MAD2L2: variants seen among roughly 807,000 people sequenced by gnomAD.
MAD2L2 encodes mitotic spindle assembly checkpoint protein MAD2B.
Under a neutral mutation model 30.5 loss-of-function variants are expected in MAD2L2, and 17 were observed. The ratio of observed to expected loss-of-function variants is 0.56; its 90% CI spans 0.38 to 0.84. MAD2L2 has a LOEUF of 0.84. MAD2L2 is among the 40% of genes least tolerant of loss of function. The pLI is 0.00. For synonymous variants in MAD2L2, 101 were observed against 113.9 expected (o/e 0.89, Z 0.72); for missense variants, 213 against 277.4 (o/e 0.77, Z 1.65).
At chr1:11,677,364 T>C in intron 4 of MAD2L2, 179 bp downstream of exon 4, 1 of 656,646 alleles carries the variant, frequency 1.5e-6, no homozygotes, top group African/African-American at 1.8e-5. Flanking sequence ...CCCGCATGCC[T>C]TGGGGCCTGC....
rs371290479 is a variant in MAD2L2 at position 11,680,374 on chromosome 1, C to T, written c.138G>A (p.Lys46=). ...TCACCTGGACCGGCACGTTGTACTT[C>T]TTGCGTTTCTGGAAGATGCCCACGG... ...VYPVGIFQKR[K]KYNVPVQMSC... is the part of the protein sequence containing the mutation. Residue 46 remains lysine, a synonymous_variant, in exon 3 of 9, where the codon AAG becomes AAA. Coordinates refer to ENST00000376692, the MANE Select transcript of MAD2L2 (RefSeq NM_006341.4). 200 of 1,613,804 alleles carry T rather than the reference C, an allele frequency of 1.2e-4. No homozygotes were observed. Among genetic ancestry groups the T allele is most frequent in the Non-Finnish European group, 2.7e-5 (32 of 1,179,904 alleles).
chr1:11,675,667 C>T lies in MAD2L2; in HGVS notation c.492G>A (p.Gln164=). ...ACCCATCTCATCTCACCTTGATGACCTGGATCTTCTCCATGTTGCGAGTGG... is the reference window on the plus strand; with the variant it reads ...ACCCATCTCATCTCACCTTGATGACTTGGATCTTCTCCATGTTGCGAGTGG... The part of the protein sequence containing the change: ...EAATRNMEKI[Q]VIKDFPWILA... The change falls in exon 7 of 9, where the codon CAG becomes CAA. Residue 164 remains glutamine (Q), a synonymous_variant. Coordinates refer to ENST00000376692, the MANE Select transcript of MAD2L2 (RefSeq NM_006341.4). The T allele has an allele frequency of 6.2e-7, 1 of 1,614,096 alleles. No individual in the cohort carries two copies. Among genetic ancestry groups the T allele is most frequent in the Non-Finnish European group, 8.5e-7 (1 of 1,179,962 alleles).
chr1:11,680,780 T>C (rs893730205), intron 1 of MAD2L2, 167 bp from the exon 2 acceptor site: 4 of 1,350,578 alleles, frequency 3.0e-6, no homozygotes, highest in African/African-American at 1.5e-5. Context: ...CACGCTGGCG[T>C]CCGTGCTTGG....
intron 4 of MAD2L2, chr1:11,677,256 G>A (rs1640785783): frequency 3.4e-6 from 2 of 596,388 alleles, no homozygotes; most frequent in Admixed American, 6.0e-5. Context: ...GTGGAGAACA[G>A]GGGACGGATG....
At chr1:11,681,294 G>A (rs1047113870), upstream of MAD2L2, 20 of 152,292 alleles carry the variant, frequency 1.3e-4, no homozygotes, top group African/African-American at 4.8e-4. Flanking sequence ...TCGGCGTCCG[G>A]GAGGGGCTGA....
Position 11,674,560 on chromosome 1 carries a change from C to G in MAD2L2, c.*215G>C. 1.7e-6 allele frequency: 1 copy of G among 572,838 alleles called. No individual in the cohort carries two copies. Among genetic ancestry groups the G allele is most frequent in the Non-Finnish European group, 3.1e-6 (1 of 319,376 alleles). 35.5% of individuals were successfully genotyped at this position (572,838 alleles called of 1,614,324 possible). A position where few individuals can be genotyped will look rare whatever the true frequency, so the allele number is the denominator to read the frequency against. ...ACAGACAGTGTTGGCCGGCGGAACC[C>G]CAGGAGGCTGAGAAGTCGAGGTTGC... On this transcript the variant is annotated 3_prime_UTR_variant, in exon 9 of 9. Coordinates refer to ENST00000376692, the MANE Select transcript of MAD2L2 (RefSeq NM_006341.4). The surrounding 1 kb of genome is among the most constrained non-coding windows in gnomAD (Gnocchi z 6.1).
upstream of MAD2L2, among the ~76,000 whole-genome samples, chr1:11,684,188 G>C (rs955250243): frequency 6.6e-6 from 1 of 152,044 alleles, no homozygotes; most frequent in Admixed American, 6.5e-5. Flanking sequence ...GCAGGGGCAG[G>C]GGGCCGAGTC....
intron 3 of MAD2L2, 42 bp downstream of exon 3, chr1:11,680,311 G>C: frequency 6.5e-7 from 1 of 1,531,554 alleles, no homozygotes; most frequent in Non-Finnish European, 9.0e-7. Context: ...ATTTTTAAAA[G>C]TCCACCCTGT....
intron 1 of MAD2L2, among the ~76,000 whole-genome samples, chr1:11,686,592 G>C (rs985651597): frequency 6.6e-6 from 1 of 152,062 alleles, no homozygotes; most frequent in Non-Finnish European, 1.5e-5. Context: ...TAGTACAGAC[G>C]GGGTTTCGCC....
intron 4 of MAD2L2, 185 bp downstream of exon 4, chr1:11,677,358 C>A: frequency 1.6e-6 from 1 of 637,724 alleles, no homozygotes; most frequent in Admixed American, 2.9e-5. Flanking sequence ...ACATGGCCCG[C>A]ATGCCTTGGG....
At position 11,675,767 on chromosome 1, in the gene MAD2L2, C is replaced by T. The variant is rs143857885; in HGVS notation, c.428-36G>A. ...AAGAGGTTGGTGGAGGCTCCCCCAC[C>T]GCCCTGGTGCCAGCCACTGGGCCCA... On this transcript the variant is annotated intron_variant, in intron 6 of 8. Coordinates refer to ENST00000376692, the MANE Select transcript of MAD2L2 (RefSeq NM_006341.4). 937 of 1,565,570 alleles carry T rather than the reference C, an allele frequency of 6.0e-4. 5 individuals are homozygous for T. The African/African-American group carries it at 0.01, about 17-fold the overall frequency.
At chr1:11,675,824 G>A in intron 6 of MAD2L2, 93 bp from the exon 7 acceptor site, 1 of 1,113,676 alleles carries the variant, frequency 9.0e-7, no homozygotes, top group Non-Finnish European at 1.4e-6. Flanking sequence ...TGGCTCAGCA[G>A]CACCCCCAGA....
chr1:11,680,667 C>G, intron 1 of MAD2L2, 54 bp from the exon 2 acceptor site: 6 of 1,506,470 alleles, frequency 4.0e-6, no homozygotes, highest in Non-Finnish European at 5.3e-6. Flanking sequence ...GAGCCCAGAA[C>G]CCGCTCGCTT....
At chr1:11,681,217 C>T (rs1640873886), upstream of MAD2L2, 1 of 152,252 alleles carries the variant, frequency 6.6e-6, no homozygotes, top group Non-Finnish European at 1.5e-5. Flanking sequence ...CCGCACGGCC[C>T]AAACCGGGCC....
chr1:11,683,580 G>C (rs960741152), upstream of MAD2L2, among the ~76,000 whole-genome samples: 2 of 152,020 alleles, frequency 1.3e-5, no homozygotes, highest in Non-Finnish European at 2.9e-5. Context: ...CTACATACTG[G>C]GTACAGTGTA....
chr1:11,676,163 C>T (rs373373788), intron 5 of MAD2L2, 23 bp from the exon 6 acceptor site: 10 of 1,509,214 alleles, frequency 6.6e-6, no homozygotes, highest in Middle Eastern at 2.1e-4. Flanking sequence ...GGAGGTCTTC[C>T]CATCACACTG....
In MAD2L2 at chr1:11,688,516, G is replaced by A. The variant is rs558712190; in HGVS notation, c.-692+2897C>T. Among the ~76,000 whole-genome samples, 242 of 151,944 alleles carry A rather than the reference G, an allele frequency of 1.6e-3. 2 individuals carry two copies. The highest frequency in any genetic ancestry group is 0.014 in the Middle Eastern group (4 of 294). ...GCAGAGGTTGCAGTGAGCCAAGATCGCGCCACTGCACTCCAGCCTGGACAA... is the reference window on the plus strand; with the variant it reads ...GCAGAGGTTGCAGTGAGCCAAGATCACGCCACTGCACTCCAGCCTGGACAA... On this transcript the variant is annotated intron_variant, in intron 1 of 10. Coordinates refer to the MAD2L2 transcript ENST00000235310. This position sits in a 1 kb window ranked among gnomAD's most constrained non-coding sequence, Gnocchi z 4.6.
At chr1:11,684,705 TG>T (rs1458683732), upstream of MAD2L2, among the ~76,000 whole-genome samples, 11 of 152,256 alleles carry the variant, frequency 7.2e-5, no homozygotes, top group East Asian at 2.1e-3. Flanking sequence ...ACCAGGCTGA[TG>T]GCAGAATGAA....
chr1:11,680,524 C>A (rs1486604678), intron 2 of MAD2L2, 38 bp downstream of exon 2: 1 of 1,609,512 alleles, frequency 6.2e-7, no homozygotes, highest in Non-Finnish European at 8.5e-7. Context: ...CCGGCCCAGA[C>A]GCCCCCGCCC....
Sources: allele counts gnomAD v4.1 joint callset (sites outside exome capture counted in the v4.1 genomes callset), GRCh38; gene constraint gnomAD v4.1.1; non-coding constraint Gnocchi (gnomAD v3.1); transcripts MANE v1.5; gene names NCBI Gene and HGNC (gene_info 2026-07-23, HGNC 2026-07-21).